The following NMNAT1 variants were observed in gnomAD, a reference collection of about 807,000 sequenced individuals.
NMNAT1 encodes the protein nicotinamide nucleotide adenylyltransferase 1, also known as nicotinamide/nicotinic acid mononucleotide adenylyltransferase 1.
In NMNAT1, 11 loss-of-function variants were observed where a neutral mutation model predicts 16.7. The ratio of observed to expected loss-of-function variants is 0.66; its 90% CI spans 0.41 to 1.09. The LOEUF is 1.09. Among genes scored for constraint, NMNAT1 ranks in the 50% least tolerant of loss-of-function variants. The pLI is 0.00. For synonymous variants in NMNAT1, 110 were observed against 119.8 expected (o/e 0.92, Z 0.53); for missense variants, 280 against 332.3 (o/e 0.84, Z 1.22).
At chr1:9,990,705 C>T in the NMNAT1 span, among the ~76,000 whole-genome samples, 442 of 152,250 alleles carry the variant, frequency 2.9e-3, 3 homozygotes, top group African/African-American at 9.6e-3. Flanking sequence ...CATCAAGCAA[C>T]AGATGAGAGG....
chr1:9,990,174 T>C (rs958250833), downstream of NMNAT1, among the ~76,000 whole-genome samples: 2 of 152,202 alleles, frequency 1.3e-5, no homozygotes, highest in Non-Finnish European at 2.9e-5. Context: ...CAACTCAAAG[T>C]GATCTAAACA....
chr1:9,978,751 G>A (rs1456868623), intron 3 of NMNAT1, among the ~76,000 whole-genome samples: 1 of 152,216 alleles, frequency 6.6e-6, no homozygotes, highest in Non-Finnish European at 1.5e-5. Flanking sequence ...AAGGCCCACA[G>A]TTGGATCCCA....
chr1:9,968,111 G>C (rs1641600507), intron 1 of NMNAT1, among the ~76,000 whole-genome samples: 1 of 105,654 alleles, frequency 9.5e-6, no homozygotes. Flanking sequence ...TCGCTCTGTT[G>C]CCCAGGCTGG....
intron 1 of NMNAT1, among the ~76,000 whole-genome samples, chr1:9,960,371 A>C (rs1021697632): frequency 6.6e-6 from 1 of 152,088 alleles, no homozygotes; most frequent in African/African-American, 2.4e-5. Context: ...CATAAAGATC[A>C]GTTATTTTGG....
intron 1 of NMNAT1, among the ~76,000 whole-genome samples, chr1:9,967,172 C>T (rs1641564310): frequency 6.6e-6 from 1 of 151,886 alleles, no homozygotes; most frequent in Non-Finnish European, 1.5e-5. Flanking sequence ...TGCAGTGAGC[C>T]AAGATCTTTC....
intron 1 of NMNAT1, among the ~76,000 whole-genome samples, chr1:9,961,967 C>T (rs1641419825): frequency 1.3e-5 from 2 of 151,800 alleles, no homozygotes; most frequent in African/African-American, 2.4e-5. Flanking sequence ...GGGGTTTCTC[C>T]ATGTTGGTCA....
chr1:9,981,501 C>T (rs1167565395), intron 4 of NMNAT1: 5 of 209,078 alleles, frequency 2.4e-5, no homozygotes, highest in Admixed American at 5.6e-5. Context: ...TCCCAAAGTG[C>T]TGGGATTACA....
chr1:9,988,643 A>ACAGTG (rs1642074877), downstream of NMNAT1, among the ~76,000 whole-genome samples: 1 of 143,778 alleles, frequency 7.0e-6, no homozygotes, highest in African/African-American at 2.6e-5. Context: ...GGCAGAGGTT[A>ACAGTG]CAGTGAGCCA....
chr1:9,955,388 A>C (rs1641232271), intron 1 of NMNAT1, among the ~76,000 whole-genome samples: 1 of 126,386 alleles, frequency 7.9e-6, no homozygotes, highest in South Asian at 2.7e-4. Flanking sequence ...TGGGGACAAG[A>C]GCGAGACTTT....
chr1:9,981,338 C>T lies in NMNAT1; in HGVS notation c.439+168C>T, dbSNP rs1570715765. On this transcript the variant is annotated intron_variant, in intron 4 of 4. Transcript: ENST00000377205. ...CAAGCTCTGCCTCCTGGGTTCATGC[C>T]ATTCTCCTGCCTCAGCCTCCTGAGC... 15 of 1,054,672 alleles carry T rather than the reference C, an allele frequency of 1.4e-5. No homozygotes were observed. In the South Asian group the frequency reaches 2.4e-4, roughly 17 times the overall value. The allele number at this position is 1,054,672 out of a possible 1,614,324, so 65.3% of individuals were successfully genotyped here. A position where few individuals can be genotyped will look rare whatever the true frequency, so the allele number is the denominator to read the frequency against.
At chr1:9,969,250 A>G (rs1452525814) in intron 1 of NMNAT1, among the ~76,000 whole-genome samples, 1 of 152,156 alleles carries the variant, frequency 6.6e-6, no homozygotes, top group African/African-American at 2.4e-5. Flanking sequence ...TTTAAAATAT[A>G]TCATGAATAT....
intron 1 of NMNAT1, among the ~76,000 whole-genome samples, chr1:9,963,655 C>G (rs987221606): frequency 1.5e-4 from 23 of 151,854 alleles, no homozygotes; most frequent in Non-Finnish European, 2.4e-4. Flanking sequence ...GATCCGCCCA[C>G]CTCAGCCTCC....
At chr1:9,987,769 A>G (rs1415443138), downstream of NMNAT1, among the ~76,000 whole-genome samples, 1 of 152,052 alleles carries the variant, frequency 6.6e-6, no homozygotes, top group Non-Finnish European at 1.5e-5. Flanking sequence ...CTGGAGGCGT[A>G]GTGAGCTGTG....
intron 1 of NMNAT1, among the ~76,000 whole-genome samples, chr1:9,946,011 C>T (rs1247839956): frequency 3.3e-5 from 5 of 152,160 alleles, no homozygotes; most frequent in Admixed American, 2.0e-4. Flanking sequence ...ACCTTGGCCC[C>T]GCAAAGTGCC....
chr1:9,990,386 A>C (rs1642094781), downstream of NMNAT1, among the ~76,000 whole-genome samples: 2 of 151,908 alleles, frequency 1.3e-5, no homozygotes, highest in South Asian at 4.1e-4. Context: ...TTCAGGAGTG[A>C]CTCCTCATGG....
At chr1:9,981,302 T>G (rs1641943194) in intron 4 of NMNAT1, 132 bp downstream of exon 4, 2 of 1,393,852 alleles carry the variant, frequency 1.4e-6, no homozygotes, top group Non-Finnish European at 1.9e-6. Context: ...TGGCATGATC[T>G]CAGCTCACTG....
intron 2 of NMNAT1, among the ~76,000 whole-genome samples, chr1:9,973,345 C>G (rs1641731657): frequency 6.6e-6 from 1 of 151,986 alleles, no homozygotes; most frequent in African/African-American, 2.4e-5. Flanking sequence ...CTCAAACTCC[C>G]AACCTCAGGC....
the NMNAT1 span, among the ~76,000 whole-genome samples, chr1:9,992,435 G>T: frequency 6.6e-6 from 1 of 152,052 alleles, no homozygotes; most frequent in Non-Finnish European, 1.5e-5. Context: ...AAACGGTTCA[G>T]TGGCTGTTGC....
At chr1:9,989,389 C>T (rs1404603373), downstream of NMNAT1, among the ~76,000 whole-genome samples, 3 of 151,776 alleles carry the variant, frequency 2.0e-5, no homozygotes, top group East Asian at 1.9e-4. Flanking sequence ...ACCCAGGAGG[C>T]GGAGGTTGCA....
Sources: gnomAD v4.1 joint callset for allele counts (sites outside exome capture counted in the v4.1 genomes callset) on GRCh38, gnomAD v4.1.1 for gene constraint, MANE v1.5 for transcripts, NCBI Gene and HGNC (gene_info 2026-07-23, HGNC 2026-07-21) for gene names.